Variants in CTNNA2 observed in about 807,000 individuals in gnomAD.
CTNNA2 encodes catenin alpha-2.
In CTNNA2, 42 loss-of-function variants were observed where a neutral mutation model predicts 101.0. The ratio of observed to expected loss-of-function variants is 0.42; its 90% CI spans 0.32 to 0.54. CTNNA2 has a LOEUF of 0.54. Ranked by LOEUF, CTNNA2 falls within the 20% of genes least tolerant of loss-of-function variation. The pLI, the probability that CTNNA2 is intolerant of heterozygous loss-of-function variation, is 0.14. For synonymous variants in CTNNA2, 450 were observed against 456.4 expected, an observed-to-expected ratio of 0.99 and a Z score of 0.18; for missense variants, 871 against 1,223.1, an observed-to-expected ratio of 0.71 and a Z score of 4.29.
chr2:80,195,369 A>C (rs1299216977), intron 7 of CTNNA2, among the ~76,000 whole-genome samples: 3 of 152,212 alleles, frequency 2.0e-5, no homozygotes, highest in Admixed American at 6.5e-5. Flanking sequence ...ATCAAACTGC[A>C]CAGAGAACAT....
intron 3 of CTNNA2, among the ~76,000 whole-genome samples, chr2:79,829,382 C>CAT (rs1315135031): frequency 1.4e-5 from 2 of 147,688 alleles, no homozygotes; most frequent in African/African-American, 5.0e-5. Flanking sequence ...CACACACACA[C>CAT]ACACACACAC....
At position 79,209,366 on chromosome 2, in the gene CTNNA2, G is replaced by A. The variant is rs572711413; in HGVS notation, c.-406+11290G>A. ...CTGCTCAGTAGAGTTTTAATTGACTGCTCTCCCTCTGGTGGAAAAAACAGT... is the reference window on the plus strand; with the variant it reads ...CTGCTCAGTAGAGTTTTAATTGACTACTCTCCCTCTGGTGGAAAAAACAGT... On this transcript the variant is annotated intron_variant, in intron 2 of 21. Coordinates refer to the CTNNA2 transcript ENST00000466387. Among the ~76,000 whole-genome samples the A allele has an allele frequency of 2.0e-5, 3 of 152,208 alleles. No homozygotes were observed. In the South Asian group the frequency reaches 6.2e-4, roughly 32 times the overall value.
chr2:80,513,049 A>G (rs1472357425), intron 9 of CTNNA2, among the ~76,000 whole-genome samples: 4 of 152,154 alleles, frequency 2.6e-5, no homozygotes, highest in Admixed American at 2.6e-4. Flanking sequence ...CCTTGCTTAC[A>G]CAAGAGAGTA....
intron 18 of CTNNA2, among the ~76,000 whole-genome samples, chr2:80,623,127 T>C (rs1360597384): frequency 6.6e-6 from 1 of 151,128 alleles, no homozygotes; most frequent in African/African-American, 2.4e-5. Flanking sequence ...ATGACAACTG[T>C]TCTCCTTTCT....
intron 1 of CTNNA2, among the ~76,000 whole-genome samples, chr2:79,579,717 C>T (rs779784657): frequency 2.0e-5 from 3 of 152,200 alleles, no homozygotes; most frequent in East Asian, 3.9e-4. Flanking sequence ...TGGGTTCAAG[C>T]GATTCTCCTG....
At chr2:79,358,923 A>G (rs1677566805) in intron 3 of CTNNA2, among the ~76,000 whole-genome samples, 2 of 152,150 alleles carry the variant, frequency 1.3e-5, no homozygotes, top group African/African-American at 4.8e-5. Context: ...TCTAACCCAA[A>G]TAATTTTCAC....
At chr2:79,305,373 C>CATATATATATATATATAT (rs56285145) in intron 2 of CTNNA2, among the ~76,000 whole-genome samples, 5 of 138,248 alleles carry the variant, frequency 3.6e-5, no homozygotes, top group African/African-American at 1.0e-4. Context: ...TATATATACA[C>CATATATATATATATATAT]ATATATATAT....
At chr2:79,219,725 T>C (rs1208984163) in intron 2 of CTNNA2, among the ~76,000 whole-genome samples, 2 of 152,206 alleles carry the variant, frequency 1.3e-5, no homozygotes, top group Non-Finnish European at 2.9e-5. Context: ...AGCTTAAAGA[T>C]TGCAGTTGCT....
At chr2:80,289,949 A>G (rs1675095304) in intron 7 of CTNNA2, among the ~76,000 whole-genome samples, 1 of 152,168 alleles carries the variant, frequency 6.6e-6, no homozygotes, top group Non-Finnish European at 1.5e-5. Context: ...AGTTTGAAGG[A>G]TATGGGCCTC....
intron 2 of CTNNA2, among the ~76,000 whole-genome samples, chr2:79,732,704 G>A (rs1385907853): frequency 6.6e-6 from 1 of 151,994 alleles, no homozygotes; most frequent in Non-Finnish European, 1.5e-5. Context: ...ATTAGCTGCT[G>A]TAATAGAGTA....
chr2:79,297,155 G>A (rs143956346), intron 2 of CTNNA2, among the ~76,000 whole-genome samples: 69 of 151,108 alleles, frequency 4.6e-4, no homozygotes, highest in Middle Eastern at 3.4e-3. Flanking sequence ...AGATGATTTT[G>A]ATTTTTGATT....
At chr2:80,228,993 A>G (rs1214504685) in intron 7 of CTNNA2, among the ~76,000 whole-genome samples, 2 of 152,192 alleles carry the variant, frequency 1.3e-5, no homozygotes, top group Non-Finnish European at 1.5e-5. Context: ...GTAGATAGAC[A>G]TTATTTCTTC....
At chr2:79,758,900 G>A (rs966653472) in intron 3 of CTNNA2, among the ~76,000 whole-genome samples, 28 of 152,238 alleles carry the variant, frequency 1.8e-4, no homozygotes, top group African/African-American at 6.0e-4. Context: ...AAAACAAACA[G>A]GTCAAGGTTA....
intron 3 of CTNNA2, among the ~76,000 whole-genome samples, chr2:79,806,407 C>T (rs891087903): frequency 6.6e-6 from 1 of 151,980 alleles, no homozygotes; most frequent in Admixed American, 6.6e-5. Context: ...GAATTGATTC[C>T]TACAGTGTTA....
intron 4 of CTNNA2, among the ~76,000 whole-genome samples, chr2:79,500,498 A>C (rs1282293377): frequency 1.3e-5 from 2 of 152,218 alleles, no homozygotes. Flanking sequence ...ACACAGAATA[A>C]TTGAAATACA....
intron 9 of CTNNA2, among the ~76,000 whole-genome samples, chr2:80,432,618 A>C (rs1401576099): frequency 1.3e-5 from 2 of 152,170 alleles, no homozygotes; most frequent in East Asian, 3.9e-4. Flanking sequence ...CTCTTAAAAC[A>C]ATAGGACCCT....
At chr2:79,942,693 C>T (rs1479525710) in intron 7 of CTNNA2, among the ~76,000 whole-genome samples, 2 of 152,156 alleles carry the variant, frequency 1.3e-5, no homozygotes, top group African/African-American at 4.8e-5. Context: ...AAGAGGCATA[C>T]TTGCCATATC....
chr2:79,283,204 A>G (rs1573025458), intron 2 of CTNNA2, among the ~76,000 whole-genome samples: 4 of 103,656 alleles, frequency 3.9e-5, no homozygotes, highest in East Asian at 4.1e-4. Context: ...CCCATTTTGT[A>G]GGTTGCCTGT....
chr2:80,609,568 G>A (rs1271049538), intron 17 of CTNNA2, among the ~76,000 whole-genome samples: 1 of 151,654 alleles, frequency 6.6e-6, no homozygotes, highest in African/African-American at 2.4e-5. Flanking sequence ...TGCCAAGCTG[G>A]TAATTACCAA....
Sources: allele counts gnomAD v4.1 joint callset (sites outside exome capture counted in the v4.1 genomes callset), GRCh38; gene constraint gnomAD v4.1.1; transcripts MANE v1.5; gene names NCBI Gene and HGNC (gene_info 2026-07-23, HGNC 2026-07-21).